LARP1B: variants seen among roughly 807,000 people sequenced by gnomAD.
LARP1B encodes La ribonucleoprotein 1B.
Under a neutral mutation model 114.2 loss-of-function variants are expected in LARP1B, and 76 were observed. The observed-to-expected ratio is 0.67, with a 90% confidence interval of 0.55 to 0.81. LARP1B has a LOEUF of 0.81. Among genes scored for constraint, LARP1B ranks in the 30% least tolerant of loss-of-function variants. LARP1B has a pLI of 0.00. For missense variants in LARP1B, 1,014 were observed against 1,075.8 expected, an observed-to-expected ratio of 0.94 and a Z score of 0.80; for synonymous variants, 345 against 348.0, an observed-to-expected ratio of 0.99 and a Z score of 0.10.
chr4:128,123,529 AT>A (rs1436199628), intron 11 of LARP1B: 14 of 455,294 alleles, frequency 3.1e-5, no homozygotes, highest in Non-Finnish European at 3.8e-5. Flanking sequence ...AATTCTATAT[AT>A]TTTACTTACT....
At chr4:128,070,158 A>C (rs2149337611) in intron 1 of LARP1B, among the ~76,000 whole-genome samples, 1 of 151,956 alleles carries the variant, frequency 6.6e-6, no homozygotes, top group South Asian at 2.1e-4. Context: ...CTCTACTAAA[A>C]ATACAAAAAA....
intron 5 of LARP1B, among the ~76,000 whole-genome samples, chr4:128,085,190 G>A (rs145828662): frequency 2.6e-5 from 4 of 152,130 alleles, no homozygotes; most frequent in African/African-American, 9.6e-5. Context: ...TGATTACTTG[G>A]TTGAGGTAGT....
At chr4:128,101,295 C>G (rs984591444) in intron 8 of LARP1B, among the ~76,000 whole-genome samples, 2 of 150,914 alleles carry the variant, frequency 1.3e-5, no homozygotes, top group African/African-American at 4.9e-5. Context: ...TCAACATGGT[C>G]AAACTCTGTC....
At chr4:128,208,973 A>G (rs982399858) in intron 19 of LARP1B, among the ~76,000 whole-genome samples, 1 of 152,244 alleles carries the variant, frequency 6.6e-6, no homozygotes, top group Non-Finnish European at 1.5e-5. Context: ...GGATTGAGAA[A>G]GAGACTGGAA....
At chr4:128,176,744 C>G (rs983180957) in intron 12 of LARP1B, 128 bp from the exon 13 acceptor site, 9 of 789,360 alleles carry the variant, frequency 1.1e-5, no homozygotes, top group South Asian at 1.7e-5. Context: ...TTCTGGGAAG[C>G]AATGAGACTT....
At chr4:128,129,149 A>G (rs953445521) in intron 11 of LARP1B, among the ~76,000 whole-genome samples, 1 of 122,744 alleles carries the variant, frequency 8.1e-6, no homozygotes, top group African/African-American at 3.2e-5. Context: ...TGGGCGACAG[A>G]GCGAGACTCT....
intron 15 of LARP1B, among the ~76,000 whole-genome samples, chr4:128,185,834 C>G (rs1433049103): frequency 6.6e-6 from 1 of 152,114 alleles, no homozygotes; most frequent in Non-Finnish European, 1.5e-5. Context: ...TAGTTTAAGT[C>G]TTTAGTCCAT....
upstream of LARP1B, among the ~76,000 whole-genome samples, chr4:128,060,838 C>A (rs936985079): frequency 6.6e-6 from 1 of 152,174 alleles, no homozygotes; most frequent in Admixed American, 6.5e-5. Flanking sequence ...AGCGGCCGGG[C>A]CGCGGAGCCC....
At chr4:128,109,293 T>C (rs1339876683) in intron 9 of LARP1B, among the ~76,000 whole-genome samples, 1 of 152,210 alleles carries the variant, frequency 6.6e-6, no homozygotes, top group Non-Finnish European at 1.5e-5. Context: ...AGTGAAACTG[T>C]ATATCATTTT....
intron 15 of LARP1B, among the ~76,000 whole-genome samples, chr4:128,181,447 G>A (rs1249682424): frequency 1.3e-5 from 2 of 151,918 alleles, no homozygotes; most frequent in Non-Finnish European, 2.9e-5. Context: ...TCAGGTGCTG[G>A]GATTACAGGC....
intron 19 of LARP1B, among the ~76,000 whole-genome samples, chr4:128,209,502 A>G (rs1008591199): frequency 2.0e-5 from 3 of 152,144 alleles, no homozygotes; most frequent in Non-Finnish European, 4.4e-5. Flanking sequence ...AAAAACAAAA[A>G]CCACAAACAT....
intron 15 of LARP1B, among the ~76,000 whole-genome samples, chr4:128,181,676 G>T (rs1748434599): frequency 6.6e-6 from 1 of 151,772 alleles, no homozygotes; most frequent in Non-Finnish European, 1.5e-5. Context: ...GTGAAGGTTT[G>T]TGGCACCCCT....
intron 12 of LARP1B, among the ~76,000 whole-genome samples, chr4:128,166,930 TTCTCTCTCTC>T (rs56916317): frequency 0.053 from 5,494 of 102,918 alleles, 254 homozygotes; most frequent in East Asian, 0.12. Context: ...TTATATTCTA[TTCTCTCTCTC>T]TCTCTCTCTC....
chr4:128,123,464 T>C (rs1788629173), intron 11 of LARP1B: 4 of 820,718 alleles, frequency 4.9e-6, no homozygotes, highest in Non-Finnish European at 5.9e-6. Flanking sequence ...CCTTCCCCCA[T>C]TCTCTATCCC....
chr4:128,136,096 C>T (rs1725123325), intron 11 of LARP1B, among the ~76,000 whole-genome samples: 1 of 151,886 alleles, frequency 6.6e-6, no homozygotes, highest in Non-Finnish European at 1.5e-5. Context: ...AGTTCGAGAC[C>T]AGCCTGGCCA....
chr4:128,141,290 G>A (rs1245859184), intron 11 of LARP1B, among the ~76,000 whole-genome samples: 1 of 152,064 alleles, frequency 6.6e-6, no homozygotes, highest in East Asian at 1.9e-4. Context: ...ATTGGCTAGC[G>A]TCTGGGCTCA....
chr4:128,081,219 C>T (rs1226491453), intron 4 of LARP1B, among the ~76,000 whole-genome samples: 2 of 151,542 alleles, frequency 1.3e-5, no homozygotes, highest in Admixed American at 6.6e-5. Context: ...GCTGGGACTA[C>T]AGGCATGTGC....
chr4:128,201,411 A>G (rs945630710), intron 17 of LARP1B, among the ~76,000 whole-genome samples: 21 of 152,290 alleles, frequency 1.4e-4, no homozygotes, highest in African/African-American at 4.1e-4. Flanking sequence ...ACATACCCCA[A>G]TTGATATGTG....
intron 11 of LARP1B, among the ~76,000 whole-genome samples, chr4:128,161,225 AC>A (rs1040732161): frequency 2.6e-5 from 4 of 152,024 alleles, no homozygotes; most frequent in Non-Finnish European, 5.9e-5. Flanking sequence ...ATAGGGTTCA[AC>A]CTTTAGGGTT....
Sources: allele counts gnomAD v4.1 joint callset (sites outside exome capture counted in the v4.1 genomes callset), GRCh38; gene constraint gnomAD v4.1.1; transcripts MANE v1.5; gene names NCBI Gene and HGNC (gene_info 2026-07-23, HGNC 2026-07-21).